Variants in NIPBL observed in about 807,000 individuals in gnomAD.
NIPBL encodes NIPBL cohesin loading factor, also known as nipped-B-like protein.
In NIPBL, 19 loss-of-function variants were observed where a neutral mutation model predicts 321.8. The ratio of observed to expected loss-of-function variants is 0.06; its 90% CI spans 0.04 to 0.09. The LOEUF is 0.09. NIPBL is among the 10% of genes least tolerant of loss of function. The pLI is 1.00. For missense variants in NIPBL, 2,210 were observed against 3,327.0 expected, an observed-to-expected ratio of 0.66 and a Z score of 8.26; for synonymous variants, 1,106 against 1,114.1, an observed-to-expected ratio of 0.99 and a Z score of 0.14.
chr5:37,014,963 A>G (rs1464032583), intron 22 of NIPBL, among the ~76,000 whole-genome samples, 198 bp downstream of exon 22: 1 of 148,052 alleles, frequency 6.8e-6, no homozygotes, highest in Non-Finnish European at 1.5e-5. Context: ...CACGGGGGAA[A>G]AAAATCTAAA....
At chr5:36,911,311 G>T (rs1042022490) in intron 1 of NIPBL, among the ~76,000 whole-genome samples, 1 of 152,166 alleles carries the variant, frequency 6.6e-6, no homozygotes, top group Non-Finnish European at 1.5e-5. Context: ...TATTTCTCAT[G>T]TGCAGGGGCA....
intron 1 of NIPBL, among the ~76,000 whole-genome samples, 158 bp downstream of exon 1, chr5:36,877,336 C>T (rs369461444): frequency 7.9e-5 from 12 of 152,308 alleles, no homozygotes; most frequent in South Asian, 4.1e-4. Flanking sequence ...TGGCAGCCGC[C>T]TTGGGTAGCG....
chr5:36,948,957 G>T (rs1186608130), intron 1 of NIPBL, among the ~76,000 whole-genome samples: 2 of 151,734 alleles, frequency 1.3e-5, no homozygotes, highest in African/African-American at 2.4e-5. Flanking sequence ...ATTTAAAAAA[G>T]AATGAGACAT....
chr5:37,030,706 A>G (rs898063631), intron 32 of NIPBL, among the ~76,000 whole-genome samples: 6 of 151,900 alleles, frequency 3.9e-5, no homozygotes, highest in African/African-American at 1.2e-4. Flanking sequence ...AATAGCTTCA[A>G]ATTCCCACAT....
intron 40 of NIPBL, 148 bp from the exon 41 acceptor site, chr5:37,051,631 T>C (rs1193078182): frequency 3.8e-5 from 24 of 636,904 alleles, no homozygotes; most frequent in South Asian, 3.4e-4. Context: ...AGATCTGTCA[T>C]TTTAAAAAGA....
intron 1 of NIPBL, among the ~76,000 whole-genome samples, chr5:36,923,192 G>A (rs1031655634): frequency 6.6e-6 from 1 of 152,102 alleles, no homozygotes; most frequent in Admixed American, 6.5e-5. Context: ...TGTAGTCCCA[G>A]CTACTTGGGA....
In NIPBL at chr5:37,014,880, C is replaced by G. The variant is rs1034573767; in HGVS notation, c.4643+115C>G. 4.3e-6 allele frequency: 3 copies of G among 700,032 alleles called. No homozygotes were observed. In the African/African-American group the frequency reaches 5.4e-5, roughly 13 times the overall value. The allele number at this position is 700,032 out of a possible 1,614,324, so 43.4% of individuals were successfully genotyped here. A position where few individuals can be genotyped will look rare whatever the true frequency, so the allele number is the denominator to read the frequency against. Reference sequence around the variant, plus strand: ...ATAATCTGAACCTTGAATACATCTTCCTGACACTTGGTTTCTTGATCTTTA... The same window carrying G: ...ATAATCTGAACCTTGAATACATCTTGCTGACACTTGGTTTCTTGATCTTTA... On this transcript the variant is annotated intron_variant, in intron 22 of 46. Coordinates refer to ENST00000282516, the MANE Select transcript of NIPBL (RefSeq NM_133433.4).
chr5:36,901,486 G>T (rs1473393393), intron 1 of NIPBL, among the ~76,000 whole-genome samples: 1 of 145,676 alleles, frequency 6.9e-6, no homozygotes, highest in African/African-American at 2.6e-5. Flanking sequence ...TGGGTTGCAT[G>T]GTCCTTCTAA....
chr5:36,983,490 T>A (rs1744382336), intron 9 of NIPBL, among the ~76,000 whole-genome samples: 1 of 151,992 alleles, frequency 6.6e-6, no homozygotes, highest in South Asian at 2.1e-4. Context: ...CATTTTTCAG[T>A]TGTCAGTTTG....
intron 40 of NIPBL, among the ~76,000 whole-genome samples, chr5:37,050,002 C>G (rs1406113460): frequency 6.6e-6 from 1 of 152,110 alleles, no homozygotes; most frequent in Non-Finnish European, 1.5e-5. Context: ...TGAAACAAAA[C>G]ATGTTAACAA....
chr5:37,048,395 A>C, intron 38 of NIPBL, 107 bp from the exon 39 acceptor site: 1 of 632,124 alleles, frequency 1.6e-6, no homozygotes, highest in Non-Finnish European at 2.3e-6. Context: ...TTTAAGTTTT[A>C]ATTTTTTGAA....
At position 36,962,214 on chromosome 5, in the gene NIPBL, G is replaced by C; in HGVS notation, c.550G>C (p.Ala184Pro). 1 of 1,614,104 alleles carries C rather than the reference G, an allele frequency of 6.2e-7. No individual in the cohort carries two copies. The highest frequency in any genetic ancestry group is 1.1e-5 in the South Asian group (1 of 91,082). ...TAGTCCATACGCCCCACAAAGCCCT[G>C]CAGGATACATGCCATATTCCCATCC... ...VPSPYAPQSP[A>P]GYMPYSHPSS... The change falls in exon 6 of 47, where the codon GCA (alanine) becomes CCA (proline). Residue 184 changes from alanine (A) to proline (P), a missense_variant. Ala to Pro is a conservative substitution (Grantham distance 27). Transcript: ENST00000282516.
chr5:36,980,022 AC>A (rs1743954182), intron 9 of NIPBL, among the ~76,000 whole-genome samples: 1 of 151,614 alleles, frequency 6.6e-6, no homozygotes, highest in Non-Finnish European at 1.5e-5. Flanking sequence ...AGGAATGGTG[AC>A]CTTTTTTTTA....
chr5:36,902,834 A>G (rs468906), intron 1 of NIPBL, among the ~76,000 whole-genome samples: 4,965 of 152,218 alleles, frequency 0.033, 263 homozygotes, highest in African/African-American at 0.11. Flanking sequence ...AGGAACAGCA[A>G]TGAATCTGTA....
At chr5:37,056,864 TCTC>T (rs1171449187) in intron 42 of NIPBL, among the ~76,000 whole-genome samples, 5 of 152,130 alleles carry the variant, frequency 3.3e-5, no homozygotes, top group African/African-American at 7.2e-5. Context: ...TTTCACCTCT[TCTC>T]TTGAGATAGC....
chr5:37,013,900 C>T (rs921188915), intron 21 of NIPBL, among the ~76,000 whole-genome samples: 10 of 152,230 alleles, frequency 6.6e-5, no homozygotes, highest in Non-Finnish European at 1.3e-4. Context: ...CACGCCACTG[C>T]ACTCCAGCCT....
At chr5:36,964,777 C>G (rs147595332) in intron 6 of NIPBL, among the ~76,000 whole-genome samples, 2 of 152,104 alleles carry the variant, frequency 1.3e-5, no homozygotes, top group African/African-American at 4.8e-5. Flanking sequence ...TGCAAACTAT[C>G]TGTTTGACAA....
At chr5:37,033,126 A>G (rs975744531) in intron 32 of NIPBL, among the ~76,000 whole-genome samples, 16 of 152,196 alleles carry the variant, frequency 1.1e-4, no homozygotes, top group Non-Finnish European at 1.9e-4. Flanking sequence ...ATTACTTATA[A>G]TAAACAAGGA....
chr5:36,960,218 G>T (rs1741451748), intron 4 of NIPBL, among the ~76,000 whole-genome samples: 2 of 152,026 alleles, frequency 1.3e-5, no homozygotes, highest in Non-Finnish European at 2.9e-5. Context: ...TAATTGAAAA[G>T]GACTGTTAGA....
Sources: gnomAD v4.1 joint callset for allele counts (sites outside exome capture counted in the v4.1 genomes callset) on GRCh38, gnomAD v4.1.1 for gene constraint, MANE v1.5 for transcripts, NCBI Gene and HGNC (gene_info 2026-07-23, HGNC 2026-07-21) for gene names.